The following PPIL1 variants were observed in gnomAD, a reference collection of about 807,000 sequenced individuals.
PPIL1 encodes the protein peptidyl-prolyl cis-trans isomerase-like 1.
Under a neutral mutation model 19.4 loss-of-function variants are expected in PPIL1, and 14 were observed. The observed-to-expected ratio is 0.72, with a 90% confidence interval of 0.48 to 1.13. PPIL1 has a LOEUF of 1.13. PPIL1 is among the 50% of genes most tolerant of loss of function. The pLI, the probability that PPIL1 is intolerant of heterozygous loss-of-function variation, is 0.00. For missense variants in PPIL1, 192 were observed against 218.0 expected (o/e 0.88, Z 0.75); for synonymous variants, 72 against 73.6 (o/e 0.98, Z 0.11).
chr6:36,873,164 C>G (rs1774554264), intron 1 of PPIL1, among the ~76,000 whole-genome samples: 1 of 152,198 alleles, frequency 6.6e-6, no homozygotes, highest in Non-Finnish European at 1.5e-5. Flanking sequence ...TTTGGAAAGA[C>G]AATCAGGAAG....
rs980410590 is a variant in PPIL1, at chr6:36,871,965, C to T, written c.57-93G>A. On this transcript the variant is annotated intron_variant, in intron 1 of 3. Transcript: ENST00000373699. The stretch of plus-strand genomic sequence containing the variant: ...TGCTCCAGGACTCTTGATTTTCAAG[C>T]TTGTAAGTCATGAAATTGTGATAAC... 90 of 1,181,410 alleles carry T rather than the reference C, an allele frequency of 7.6e-5. No homozygotes were observed. The African/African-American group carries it at 1.4e-3, about 18-fold the overall frequency. 73.2% of individuals were successfully genotyped at this position (1,181,410 alleles called of 1,614,324 possible).
chr6:36,860,144 T>C (rs1774252728), intron 2 of PPIL1, among the ~76,000 whole-genome samples: 1 of 151,950 alleles, frequency 6.6e-6, no homozygotes, highest in East Asian at 2.0e-4. Context: ...TTTCTAACCT[T>C]TGATTACAGG....
At chr6:36,865,714 G>T (rs904731285) in intron 2 of PPIL1, among the ~76,000 whole-genome samples, 20 of 152,060 alleles carry the variant, frequency 1.3e-4, no homozygotes, top group African/African-American at 4.1e-4. Flanking sequence ...AATCCACACC[G>T]TACTATCATA....
chr6:36,857,724 C>T (rs1052497087), intron 2 of PPIL1, among the ~76,000 whole-genome samples: 15 of 151,812 alleles, frequency 9.9e-5, no homozygotes, highest in South Asian at 2.1e-4. Flanking sequence ...TTTGAGTTTA[C>T]GGTGAGCTAT....
chr6:36,864,746 C>T (rs1774362127), intron 2 of PPIL1, among the ~76,000 whole-genome samples: 1 of 152,210 alleles, frequency 6.6e-6, no homozygotes, highest in African/African-American at 2.4e-5. Context: ...AATCATCCAG[C>T]TCTAAATGTC....
At chr6:36,870,999 T>A (rs568305210) in intron 2 of PPIL1, among the ~76,000 whole-genome samples, 1 of 152,152 alleles carries the variant, frequency 6.6e-6, no homozygotes, top group South Asian at 2.1e-4. Context: ...TCACATCACA[T>A]CTTACTCAGA....
At chr6:36,862,840 C>T (rs546741598) in intron 2 of PPIL1, among the ~76,000 whole-genome samples, 2 of 152,180 alleles carry the variant, frequency 1.3e-5, no homozygotes, top group Admixed American at 1.3e-4. Flanking sequence ...GTTAATATAC[C>T]AGACGGGAAC....
At chr6:36,871,278 C>T (rs12660989) in intron 2 of PPIL1, among the ~76,000 whole-genome samples, 11,166 of 152,204 alleles carry the variant, frequency 0.073, 422 homozygotes, top group South Asian at 0.099. Context: ...ATAGGTATCT[C>T]CCTAGAGCTT....
At chr6:36,866,345 G>A (rs1466992662) in intron 2 of PPIL1, among the ~76,000 whole-genome samples, 1 of 152,182 alleles carries the variant, frequency 6.6e-6, no homozygotes, top group African/African-American at 2.4e-5. Context: ...GGGAATGGAA[G>A]TGGTACATCA....
chr6:36,873,086 T>A (rs1034743082), intron 1 of PPIL1, among the ~76,000 whole-genome samples: 5 of 152,238 alleles, frequency 3.3e-5, no homozygotes, highest in African/African-American at 1.2e-4. Context: ...AGTTACTCTG[T>A]GTGTGGTACT....
intron 1 of PPIL1, among the ~76,000 whole-genome samples, chr6:36,874,418 T>C (rs1774590910): frequency 6.6e-6 from 1 of 152,238 alleles, no homozygotes; most frequent in Admixed American, 6.5e-5. Context: ...TCATATTCCA[T>C]ATGCCTGGCT....
In PPIL1 at chr6:36,870,377, C is replaced by A. The variant is rs1017096595; in HGVS notation, c.211+1341G>T. Among the ~76,000 whole-genome samples the A allele has an allele frequency of 4.6e-5, 7 of 152,134 alleles. No homozygotes were observed. The South Asian group carries it at 1.2e-3, about 27-fold the overall frequency. On this transcript the variant is annotated intron_variant, in intron 2 of 3. Transcript: ENST00000373699. ...CCTCCATACCAGGTCTTTCCCTGAA[C>A]CCCATATTCCTATCCAACTACTTAC...
intron 2 of PPIL1, 93 bp from the exon 3 acceptor site, chr6:36,856,747 T>C: frequency 8.1e-7 from 1 of 1,228,780 alleles, no homozygotes; most frequent in Non-Finnish European, 1.2e-6. Context: ...TTTCTCAGAG[T>C]AGAGGAAAGG....
At chr6:36,874,257 G>A (rs994901203) in intron 1 of PPIL1, among the ~76,000 whole-genome samples, 3 of 152,206 alleles carry the variant, frequency 2.0e-5, no homozygotes, top group African/African-American at 7.2e-5. Context: ...TGATAGTGGG[G>A]AAAATGTGCT....
At chr6:36,860,350 T>C (rs978822141) in intron 2 of PPIL1, among the ~76,000 whole-genome samples, 1 of 151,984 alleles carries the variant, frequency 6.6e-6, no homozygotes, top group African/African-American at 2.4e-5. Context: ...CAGCTACAGC[T>C]ACTCAGGTGG....
intron 2 of PPIL1, among the ~76,000 whole-genome samples, chr6:36,863,375 C>G (rs540414817): frequency 6.6e-6 from 1 of 152,238 alleles, no homozygotes; most frequent in South Asian, 2.1e-4. Context: ...CCTTCCCTTC[C>G]TACACCTCTA....
intron 1 of PPIL1, among the ~76,000 whole-genome samples, chr6:36,873,139 T>C (rs1172888474): frequency 3.3e-5 from 5 of 152,220 alleles, no homozygotes; most frequent in Admixed American, 6.5e-5. Flanking sequence ...ATTTTCAAAA[T>C]ACAGAAAGTA....
In PPIL1 at chr6:36,855,680, C is replaced by G; in HGVS notation, c.*133G>C. 1 of 845,298 alleles carries G rather than the reference C, an allele frequency of 1.2e-6. No homozygotes were observed. Among genetic ancestry groups the G allele is most frequent in the East Asian group, 2.6e-5 (1 of 38,064 alleles). The allele number at this position is 845,298 out of a possible 1,614,324, so 52.4% of individuals were successfully genotyped here. A position where few individuals can be genotyped will look rare whatever the true frequency, so the allele number is the denominator to read the frequency against. ...AAATGTACTTCCATCTCTAACTCAC[C>G]CAAGATGCCAGGCCTCCTAAGCTTC... On this transcript the variant is annotated 3_prime_UTR_variant, in exon 4 of 4. Coordinates refer to ENST00000373699, the MANE Select transcript of PPIL1 (RefSeq NM_016059.5).
intron 1 of PPIL1, among the ~76,000 whole-genome samples, chr6:36,872,265 A>G (rs1427425006): frequency 6.6e-6 from 1 of 152,200 alleles, no homozygotes; most frequent in Non-Finnish European, 1.5e-5. Context: ...ACATTAAAAT[A>G]TCAGGAGTTC....
Sources: allele counts gnomAD v4.1 joint callset (sites outside exome capture counted in the v4.1 genomes callset), GRCh38; gene constraint gnomAD v4.1.1; transcripts MANE v1.5; gene names NCBI Gene and HGNC (gene_info 2026-07-23, HGNC 2026-07-21).